Variants in RAB11FIP3 observed in about 807,000 individuals in gnomAD.
The protein encoded by RAB11FIP3 is RAB11 family interacting protein 3, also known as rab11 family-interacting protein 3.
Under a neutral mutation model 77.8 loss-of-function variants are expected in RAB11FIP3, and 17 were observed. The ratio of observed to expected loss-of-function variants is 0.22; its 90% CI spans 0.15 to 0.33. RAB11FIP3 has a LOEUF of 0.33. Among genes scored for constraint, RAB11FIP3 ranks in the 10% least tolerant of loss-of-function variants. RAB11FIP3 has a pLI of 1.00. For synonymous variants in RAB11FIP3, 437 were observed against 448.2 expected, an observed-to-expected ratio of 0.98 and a Z score of 0.31; for missense variants, 1,005 against 1,011.2, an observed-to-expected ratio of 0.99 and a Z score of 0.08.
intron 9 of RAB11FIP3, among the ~76,000 whole-genome samples, chr16:513,000 A>G (rs2032255201): frequency 6.6e-6 from 1 of 152,184 alleles, no homozygotes; most frequent in African/African-American, 2.4e-5. Context: ...GCATTAAAGC[A>G]GCATGGTGCC....
At chr16:458,216 CG>C (rs1296706858) in intron 1 of RAB11FIP3, among the ~76,000 whole-genome samples, 2 of 152,262 alleles carry the variant, frequency 1.3e-5, no homozygotes, top group Admixed American at 6.5e-5. Context: ...CTGTGTGCTT[CG>C]GGCTCTCTGG....
intron 1 of RAB11FIP3, among the ~76,000 whole-genome samples, chr16:451,922 G>C (rs1428158691): frequency 6.6e-6 from 1 of 152,200 alleles, no homozygotes; most frequent in South Asian, 2.1e-4. Context: ...GGCCGAGGCG[G>C]TGGATTGCCT....
At position 510,715 on chromosome 16, in the gene RAB11FIP3, G is replaced by T; in HGVS notation, c.1555G>T (p.Val519Phe). 6.2e-7 allele frequency: 1 copy of T among 1,613,054 alleles called. No individual in the cohort carries two copies. The highest frequency in any genetic ancestry group is 8.5e-7 in the Non-Finnish European group (1 of 1,179,812). The change falls in exon 9 of 14, where the codon GTC becomes TTC. Residue 519 changes from valine (V) to phenylalanine (F), a missense_variant. Around this residue, in one of 4 missense-constraint regions of RAB11FIP3, gnomAD observed 433 missense variants for 436.1 expected, o/e 0.99. Transcript: ENST00000262305. ...GCAGGAGCTGAGAGCCTGCGAGATG[G>T]TCCTGGAAGAGACCCGGCGTCAGAA... ...KEQELRACEM[V>F]LEETRRQKEL...
intron 6 of RAB11FIP3, among the ~76,000 whole-genome samples, chr16:500,126 C>T (rs368151591): frequency 5.4e-4 from 82 of 152,314 alleles, no homozygotes; most frequent in South Asian, 3.3e-3. Context: ...TGGCTTTCTC[C>T]AGTCAGCTGT....
chr16:441,405 C>T (rs3785296), intron 1 of RAB11FIP3, among the ~76,000 whole-genome samples: 12,149 of 152,202 alleles, frequency 0.08, 554 homozygotes, highest in East Asian at 0.19. Context: ...CCATCACTGT[C>T]GACCTCTGGC....
At chr16:520,351 G>C in intron 12 of RAB11FIP3, 74 bp downstream of exon 12, 1 of 1,575,144 alleles carries the variant, frequency 6.3e-7, no homozygotes, top group African/African-American at 1.3e-5. Context: ...AGGGGGGGCC[G>C]TGGAGGGTCA....
intron 2 of RAB11FIP3, among the ~76,000 whole-genome samples, chr16:467,526 GTCAGGGAGGAGGTGCAGGGGCC>G (rs2055725710): frequency 3.7e-5 from 5 of 135,258 alleles, no homozygotes; most frequent in African/African-American, 1.2e-4. Flanking sequence ...GTGCGGGGGC[GTCAGGGAGGAGGTGCAGGGGCC>G]TCAGGGAGGA....
intron 2 of RAB11FIP3, among the ~76,000 whole-genome samples, chr16:465,120 G>T (rs947491675): frequency 6.6e-6 from 1 of 152,146 alleles, no homozygotes; most frequent in African/African-American, 2.4e-5. Context: ...TCGCAGGGAG[G>T]AGAAAAGCCG....
intron 1 of RAB11FIP3, among the ~76,000 whole-genome samples, chr16:452,123 C>G (rs982990459): frequency 6.6e-6 from 1 of 151,840 alleles, no homozygotes; most frequent in African/African-American, 2.4e-5. Context: ...TGTACTCCAG[C>G]CTGGGCGACA....
chr16:441,831 A>G lies in RAB11FIP3; in HGVS notation c.714+15111A>G, dbSNP rs531202024. ...AACTCTTGAACTATGAAGTTCTCTA[A>G]TCATGCTTTTTTGTTTGTTTGTTTT... On this transcript the variant is annotated intron_variant, in intron 1 of 13. Coordinates refer to ENST00000262305, the MANE Select transcript of RAB11FIP3 (RefSeq NM_014700.4). Among the ~76,000 whole-genome samples, 8 of 152,202 alleles carry G rather than the reference A, an allele frequency of 5.3e-5. No individual in the cohort carries two copies. In the South Asian group the frequency reaches 1.7e-3, roughly 32 times the overall value.
rs2031619324 is a variant in RAB11FIP3 at position 503,059 on chromosome 16, G to A, written c.1357G>A (p.Glu453Lys). ...TMEALEDPSP[E>K]LMEGPEEDIA... ...GGAGGCCCTGGAGGACCCTTCCCCC[G>A]AGCTCATGGAGGGCCCAGAGGAGGA... Residue 453 changes from glutamate to lysine, a missense_variant, in exon 7 of 14, where the codon GAG becomes AAG. This residue lies in a region of RAB11FIP3 where 433 missense variants were observed against 436.1 expected (regional missense o/e 0.99). Transcript: ENST00000262305. 5.6e-6 allele frequency: 9 copies of A among 1,613,204 alleles called. No homozygotes were observed. The highest frequency in any genetic ancestry group is 2.2e-5 in the South Asian group (2 of 91,046).
At chr16:467,066 C>A (rs918018570) in intron 2 of RAB11FIP3, among the ~76,000 whole-genome samples, 2 of 152,146 alleles carry the variant, frequency 1.3e-5, no homozygotes, top group Non-Finnish European at 2.9e-5. Flanking sequence ...GGACGTAGCA[C>A]GAAACGGCAG....
chr16:432,903 C>G (rs918834236), intron 1 of RAB11FIP3, among the ~76,000 whole-genome samples: 19 of 151,410 alleles, frequency 1.3e-4, no homozygotes, highest in African/African-American at 4.1e-4. Flanking sequence ...TGCCCCTAGC[C>G]TGAGCTGTTT....
chr16:489,538 G>T (rs2141770463), intron 5 of RAB11FIP3, among the ~76,000 whole-genome samples: 1 of 152,298 alleles, frequency 6.6e-6, no homozygotes, highest in Non-Finnish European at 1.5e-5. Context: ...GTACTTCTGA[G>T]GGCTAGGGGC....
intron 8 of RAB11FIP3, among the ~76,000 whole-genome samples, chr16:509,313 C>A (rs1008944065): frequency 6.6e-6 from 1 of 152,256 alleles, no homozygotes; most frequent in Admixed American, 6.5e-5. Context: ...TCTCTGCTCG[C>A]GGAGGCCGCT....
chr16:486,431 T>C (rs2056155045), intron 4 of RAB11FIP3, among the ~76,000 whole-genome samples: 1 of 152,200 alleles, frequency 6.6e-6, no homozygotes, highest in Non-Finnish European at 1.5e-5. Context: ...AGGCAGAGTT[T>C]GCAGTGAGCC....
At chr16:475,577 T>C (rs2055888186) in intron 3 of RAB11FIP3, among the ~76,000 whole-genome samples, 1 of 152,152 alleles carries the variant, frequency 6.6e-6, no homozygotes, top group South Asian at 2.1e-4. Flanking sequence ...GGCCTTGAAC[T>C]GCAGAAACCA....
At chr16:477,529 C>G in intron 3 of RAB11FIP3, 1 of 655,110 alleles carries the variant, frequency 1.5e-6, no homozygotes, top group Non-Finnish European at 1.9e-6. Flanking sequence ...ACATCCTGGG[C>G]CTGCCTGCTT....
intron 1 of RAB11FIP3, among the ~76,000 whole-genome samples, chr16:449,572 G>C (rs967149441): frequency 6.6e-6 from 1 of 151,596 alleles, no homozygotes; most frequent in African/African-American, 2.4e-5. Flanking sequence ...CTTGAGCCTA[G>C]GATCTTGAGG....
Sources: allele counts gnomAD v4.1 joint callset (sites outside exome capture counted in the v4.1 genomes callset), GRCh38; gene constraint gnomAD v4.1.1; regional missense constraint gnomAD v4.1.1; transcripts MANE v1.5; gene names NCBI Gene and HGNC (gene_info 2026-07-23, HGNC 2026-07-21).